The following KL variants were observed in gnomAD, a reference collection of about 807,000 sequenced individuals.
The protein encoded by KL is alpha-klotho.
KL carries 62 observed loss-of-function variants against 84.2 expected under a neutral mutation model. The ratio of observed to expected loss-of-function variants is 0.74; its 90% confidence interval spans 0.60 to 0.91. The LOEUF is 0.91. KL is among the 40% of genes least tolerant of loss of function. The probability of loss-of-function intolerance (pLI) is 0.00; values close to 1 mark genes in which losing one functional copy is unlikely to be tolerated. For synonymous variants in KL, 528 were observed against 528.0 expected (o/e 1.00, Z 0.00); for missense variants, 1,261 against 1,305.7 (o/e 0.97, Z 0.53).
At chr13:33,041,466 A>G (rs1871337527) in intron 1 of KL, among the ~76,000 whole-genome samples, 1 of 151,656 alleles carries the variant, frequency 6.6e-6, no homozygotes, top group Non-Finnish European at 1.5e-5. Flanking sequence ...GAACTTACCA[A>G]TCAAACATTA....
At chr13:33,029,084 C>T (rs1285164403) in intron 1 of KL, among the ~76,000 whole-genome samples, 1 of 152,182 alleles carries the variant, frequency 6.6e-6, no homozygotes, top group East Asian at 1.9e-4. Context: ...AAACCATGAA[C>T]ATATATTACT....
chr13:33,060,979 G>C lies in KL; in HGVS notation c.1900G>C (p.Val634Leu). ...GCTTGTCCGTGTCAACATCACCCCAGTGGTGGCCCTGTGGCAGCCTATGGC... is the reference window on the plus strand; with the variant it reads ...GCTTGTCCGTGTCAACATCACCCCACTGGTGGCCCTGTGGCAGCCTATGGC... ...SELVRVNITP[V>L]VALWQPMAPN... is the part of the protein sequence containing the mutation. The change falls in exon 4 of 5, where the codon GTG becomes CTG. Residue 634 changes from valine to leucine, a missense_variant. Val to Leu is a conservative substitution (Grantham distance 32). Transcript: ENST00000380099. The C allele has an allele frequency of 6.2e-7, 1 of 1,612,778 alleles. No homozygotes were observed. Among genetic ancestry groups the C allele is most frequent in the Non-Finnish European group, 8.5e-7 (1 of 1,178,992 alleles).
In KL at chr13:33,054,184, G is replaced by T. The variant is rs1326811075; in HGVS notation, c.1237G>T (p.Val413Leu). Reference sequence around the variant, plus strand: ...ATTTAACCATCCTCAAATATTTATTGTGGAAAATGGCTGGTTTGTCTCAGG... The same window carrying T: ...ATTTAACCATCCTCAAATATTTATTTTGGAAAATGGCTGGTTTGTCTCAGG... ...LEFNHPQIFI[V>L]ENGWFVSGTT... is the part of the protein sequence containing the mutation. Residue 413 changes from valine to leucine, a missense_variant, in exon 2 of 5, where the codon GTG becomes TTG. Transcript: ENST00000380099. The T allele has an allele frequency of 6.2e-7, 1 of 1,613,670 alleles. No individual in the cohort carries two copies. Among genetic ancestry groups the T allele is most frequent in the Middle Eastern group, 1.7e-4 (1 of 6,060 alleles).
rs117198711 is a variant in KL, at chr13:33,062,254, C to T, written c.2701+474C>T. On this transcript the variant is annotated intron_variant, in intron 4 of 4. Coordinates refer to ENST00000380099, the MANE Select transcript of KL (RefSeq NM_004795.4). ...AATTAGCTGGGCACGGTGGCATATA[C>T]GCCTGCAGATTCAGTTACTTGGGAG... Among the ~76,000 whole-genome samples the T allele has an allele frequency of 6.8e-3, 1,031 of 152,062 alleles. 4 individuals carry two copies. Among genetic ancestry groups the T allele is most frequent in the Non-Finnish European group, 9.5e-3 (649 of 67,976 alleles).
At chr13:33,043,278 G>C (rs890967837) in intron 1 of KL, among the ~76,000 whole-genome samples, 4 of 150,734 alleles carry the variant, frequency 2.7e-5, no homozygotes, top group African/African-American at 9.8e-5. Flanking sequence ...GGCATACAAT[G>C]GTGTGATCTC....
rs1378523247 is a variant in KL, at chr13:33,064,166, G to C, written c.3019G>C (p.Gly1007Arg). 2 of 1,606,164 alleles carry C rather than the reference G, an allele frequency of 1.2e-6. No individual in the cohort carries two copies. Among genetic ancestry groups the C allele is most frequent in the African/African-American group, 2.7e-5 (2 of 74,766 alleles). ...LSLIFYYSKK[G>R]RRSYK ...CCTTATATTTTACTACTCGAAGAAA[G>C]GCAGAAGAAGTTACAAATAGTTCTG... The change falls in exon 5 of 5, where the codon GGC becomes CGC. Residue 1007 changes from glycine (G) to arginine (R), a missense_variant. Gly to Arg is a moderately radical substitution (Grantham distance 125). Transcript: ENST00000380099.
At chr13:33,040,860 T>A (rs1381129807) in intron 1 of KL, among the ~76,000 whole-genome samples, 1 of 152,150 alleles carries the variant, frequency 6.6e-6, no homozygotes, top group African/African-American at 2.4e-5. Context: ...TTATTTTTTG[T>A]TTTCTTTGAG....
intron 3 of KL, 62 bp from the exon 4 acceptor site, chr13:33,060,617 T>G: frequency 6.3e-7 from 1 of 1,594,572 alleles, no homozygotes; most frequent in East Asian, 2.2e-5. Context: ...CTGAAATAAT[T>G]GCTTTGAATT....
intron 1 of KL, among the ~76,000 whole-genome samples, chr13:33,034,191 A>G (rs1469016899): frequency 6.6e-6 from 1 of 152,216 alleles, no homozygotes; most frequent in Non-Finnish European, 1.5e-5. Flanking sequence ...TATGATCACA[A>G]AGGGAGACTG....
intron 1 of KL, among the ~76,000 whole-genome samples, chr13:33,017,696 A>G (rs1316456257): frequency 6.6e-6 from 1 of 152,218 alleles, no homozygotes; most frequent in East Asian, 1.9e-4. Flanking sequence ...TGTTAATCCA[A>G]TAAGATCTGT....
intron 1 of KL, among the ~76,000 whole-genome samples, chr13:33,038,779 G>A (rs1871231983): frequency 2.0e-5 from 3 of 152,148 alleles, no homozygotes; most frequent in African/African-American, 7.2e-5. Context: ...AACAATCTAT[G>A]CCATCCATCC....
At chr13:33,031,168 T>A (rs1163739370) in intron 1 of KL, among the ~76,000 whole-genome samples, 6 of 152,230 alleles carry the variant, frequency 3.9e-5, no homozygotes, top group Admixed American at 2.0e-4. Flanking sequence ...ACCTTCAGTG[T>A]CATGTTTCCT....
intron 1 of KL, among the ~76,000 whole-genome samples, chr13:33,044,261 G>T (rs904028351): frequency 6.6e-6 from 1 of 152,146 alleles, no homozygotes; most frequent in African/African-American, 2.4e-5. Flanking sequence ...CAGGTAATGT[G>T]AATGTTTCAA....
intron 1 of KL, 113 bp downstream of exon 1, chr13:33,017,372 CGT>C: frequency 1.0e-6 from 1 of 1,002,010 alleles, no homozygotes; most frequent in Non-Finnish European, 1.4e-6. Flanking sequence ...CACTTGGACA[CGT>C]GTATGTGGTC....
intron 1 of KL, among the ~76,000 whole-genome samples, chr13:33,019,813 T>C (rs1300810612): frequency 2.4e-5 from 3 of 126,510 alleles, no homozygotes; most frequent in Non-Finnish European, 5.3e-5. Context: ...GAGAGAGAGG[T>C]CTCCTACAAA....
chr13:33,029,854 C>T (rs1235800535), intron 1 of KL, among the ~76,000 whole-genome samples: 6 of 151,906 alleles, frequency 3.9e-5, no homozygotes, highest in Non-Finnish European at 7.4e-5. Context: ...GGGATGGTCT[C>T]GATCTCCTGA....
chr13:33,051,786 A>G (rs1362330193), intron 1 of KL, among the ~76,000 whole-genome samples: 1 of 152,160 alleles, frequency 6.6e-6, no homozygotes, highest in Non-Finnish European at 1.5e-5. Flanking sequence ...TTCCCTGTTC[A>G]GCGCTTATTC....
chr13:33,055,187 A>G lies in KL; in HGVS notation c.1471A>G (p.Lys491Glu). The change falls in exon 3 of 5, where the codon AAG becomes GAG. Residue 491 changes from lysine to glutamate, a missense_variant. Transcript: ENST00000380099. ...FLSQDKMLLP[K>E]SSALFYQKLI... is the part of the protein sequence containing the mutation. ...AAGCCAGGACAAGATGTTGTTGCCA[A>G]AGTCTTCAGCCTTGTTCTACCAAAA... 6.2e-7 allele frequency: 1 copy of G among 1,614,230 alleles called. No individual in the cohort carries two copies. Among genetic ancestry groups the G allele is most frequent in the South Asian group, 1.1e-5 (1 of 91,086 alleles).
chr13:33,050,383 C>T (rs1436072536), intron 1 of KL, among the ~76,000 whole-genome samples: 1 of 152,210 alleles, frequency 6.6e-6, no homozygotes, highest in Non-Finnish European at 1.5e-5. Context: ...CCACACTCTG[C>T]CTCATAATAT....
Sources: allele counts gnomAD v4.1 joint callset (sites outside exome capture counted in the v4.1 genomes callset), GRCh38; gene constraint gnomAD v4.1.1; transcripts MANE v1.5; gene names NCBI Gene and HGNC (gene_info 2026-07-23, HGNC 2026-07-21).